Variants in MUC7 observed in about 807,000 individuals in gnomAD.
MUC7 encodes the protein mucin-7.
Under a neutral mutation model 2.5 loss-of-function variants are expected in MUC7, and 2 were observed. The observed-to-expected ratio is 0.81, with a 90% CI of 0.33 to 2.55. The LOEUF (loss-of-function observed/expected upper bound fraction) is 2.55. MUC7 is among the 30% of genes most tolerant of loss of function. MUC7 has a pLI of 0.11. For synonymous variants in MUC7, 133 were observed against 173.4 expected (o/e 0.77, Z 1.83); for missense variants, 408 against 455.6 (o/e 0.90, Z 0.95).
chr4:70,471,238 T>G (rs1734826393), upstream of MUC7, among the ~76,000 whole-genome samples: 1 of 152,114 alleles, frequency 6.6e-6, no homozygotes, highest in Non-Finnish European at 1.5e-5. Context: ...TAAAAATAAA[T>G]ATTTATAAAA....
At chr4:70,433,943 G>T (rs972088570) in intron 1 of MUC7, among the ~76,000 whole-genome samples, 4 of 152,178 alleles carry the variant, frequency 2.6e-5, no homozygotes, top group Non-Finnish European at 5.9e-5. Flanking sequence ...ACAGGCTGTT[G>T]AATTTTGTCG....
chr4:70,454,384 T>A (rs556318459), intron 1 of MUC7, among the ~76,000 whole-genome samples: 1 of 152,226 alleles, frequency 6.6e-6, no homozygotes, highest in Non-Finnish European at 1.5e-5. Flanking sequence ...TGTGGGCAAG[T>A]ATCAGCTGAC....
intron 1 of MUC7, among the ~76,000 whole-genome samples, chr4:70,452,248 C>T (rs1441633251): frequency 1.3e-5 from 2 of 152,274 alleles, no homozygotes; most frequent in East Asian, 1.9e-4. Context: ...AGTCCATTTA[C>T]ATTCAATGTT....
At chr4:70,457,694 G>T (rs1734447293) in intron 1 of MUC7, among the ~76,000 whole-genome samples, 1 of 152,008 alleles carries the variant, frequency 6.6e-6, no homozygotes, top group Non-Finnish European at 1.5e-5. Context: ...ATATGTTTCT[G>T]AAAATAGTTT....
intron 1 of MUC7, among the ~76,000 whole-genome samples, chr4:70,459,150 G>A (rs527777165): frequency 6.6e-6 from 1 of 152,228 alleles, no homozygotes; most frequent in South Asian, 2.1e-4. Context: ...AATCTGGGTA[G>A]CATTATATTT....
chr4:70,460,803 G>A (rs1734537913), intron 1 of MUC7, among the ~76,000 whole-genome samples: 1 of 152,162 alleles, frequency 6.6e-6, no homozygotes, highest in East Asian at 1.9e-4. Context: ...GTTGTCATAT[G>A]GGGGCTGTGG....
intron 2 of MUC7, among the ~76,000 whole-genome samples, chr4:70,477,648 C>T (rs41348049): frequency 0.09 from 13,735 of 152,154 alleles, 793 homozygotes; most frequent in East Asian, 0.21. Context: ...CTCTTCTCTG[C>T]TCTCAAAAGT....
rs555124705 is a variant in MUC7 at position 70,443,844 on chromosome 4, A to G, written c.-93+13157A>G. ...ATCACACCTAAACTGTCTTTCACAC[A>G]GGAATCCTGATAAACCAAAAGCTTT... On this transcript the variant is annotated intron_variant, in intron 1 of 3. Transcript: ENST00000413702. 2.6e-5 allele frequency among the ~76,000 whole-genome samples: 4 copies of G among 152,364 alleles called. No homozygotes were observed. In the South Asian group the frequency reaches 8.3e-4, roughly 32 times the overall value.
chr4:70,447,603 A>T (rs964229544), intron 1 of MUC7, among the ~76,000 whole-genome samples: 1 of 152,170 alleles, frequency 6.6e-6, no homozygotes, highest in Non-Finnish European at 1.5e-5. Flanking sequence ...CACTATTTTA[A>T]AATTCTTTAC....
rs138367184 is a variant in MUC7 at position 70,451,081 on chromosome 4, C to T, written c.-93+20394C>T. Among the ~76,000 whole-genome samples the T allele has an allele frequency of 3.3e-3, 496 of 152,296 alleles. 1 individual carries two copies. The highest frequency in any genetic ancestry group is 0.012 in the African/African-American group (480 of 41,556). On this transcript the variant is annotated intron_variant, in intron 1 of 3. Transcript: ENST00000413702. Reference sequence around the variant, plus strand: ...CTAGTTTACTTGGAGACACAGAGTGCTGTAGCCCTCAGTGGTGAGGTCTGT... The same window carrying T: ...CTAGTTTACTTGGAGACACAGAGTGTTGTAGCCCTCAGTGGTGAGGTCTGT...
intron 2 of MUC7, among the ~76,000 whole-genome samples, chr4:70,478,515 G>A (rs1735072522): frequency 6.6e-6 from 1 of 152,124 alleles, no homozygotes; most frequent in Admixed American, 6.5e-5. Flanking sequence ...CGACATCCAG[G>A]CACATTAAGT....
At chr4:70,463,894 T>C (rs536890775) in intron 1 of MUC7, among the ~76,000 whole-genome samples, 1 of 152,342 alleles carries the variant, frequency 6.6e-6, no homozygotes, top group African/African-American at 2.4e-5. Context: ...ATGACTGTTC[T>C]ATGCAAGTAA....
chr4:70,474,029 C>T lies in MUC7; in HGVS notation c.8C>T (p.Thr3Ile). The T allele has an allele frequency of 6.2e-7, 1 of 1,612,910 alleles. No individual in the cohort carries two copies. Among genetic ancestry groups the T allele is most frequent in the African/African-American group, 1.3e-5 (1 of 74,978 alleles). Residue 3 changes from threonine (T) to isoleucine (I), a missense_variant, in exon 2 of 3, where the codon ACT becomes ATT. Thr to Ile is a moderately conservative substitution (Grantham distance 89). This residue lies in a region of MUC7 where 225 missense variants were observed against 240.5 expected (regional missense o/e 0.94). Transcript: ENST00000304887. Reference sequence around the variant, plus strand: ...CAGGAGACATCAGAAAGAATGAAAACTCTGCCGCTGTTTGTGTGCATCTGT... The same window carrying T: ...CAGGAGACATCAGAAAGAATGAAAATTCTGCCGCTGTTTGTGTGCATCTGT... The part of the protein sequence containing the change: MK[T>I]LPLFVCICAL...
At chr4:70,437,934 G>T (rs546970134) in intron 1 of MUC7, among the ~76,000 whole-genome samples, 6 of 152,278 alleles carry the variant, frequency 3.9e-5, no homozygotes, top group Middle Eastern at 3.4e-3. Flanking sequence ...GAAGAAAATA[G>T]AGTTTGAGCA....
intron 1 of MUC7, among the ~76,000 whole-genome samples, chr4:70,455,787 C>T (rs1734396679): frequency 6.6e-6 from 1 of 152,208 alleles, no homozygotes; most frequent in Non-Finnish European, 1.5e-5. Context: ...CCCCTCCCAA[C>T]TCCGTATACT....
At chr4:70,480,525 A>T (rs1735133308) in intron 2 of MUC7, among the ~76,000 whole-genome samples, 1 of 152,212 alleles carries the variant, frequency 6.6e-6, no homozygotes, top group East Asian at 1.9e-4. Flanking sequence ...TAAGCACAAA[A>T]GTTCGTATCC....
chr4:70,438,387 ATATT>A (rs1242025522), intron 1 of MUC7, among the ~76,000 whole-genome samples: 1 of 152,192 alleles, frequency 6.6e-6, no homozygotes, highest in Non-Finnish European at 1.5e-5. Context: ...CTCCTGGAAA[ATATT>A]AGCCCTGAAA....
intron 1 of MUC7, among the ~76,000 whole-genome samples, chr4:70,441,146 G>A (rs909422968): frequency 6.6e-6 from 1 of 152,110 alleles, no homozygotes; most frequent in African/African-American, 2.4e-5. Flanking sequence ...ATTGAGTAGA[G>A]AAGCAGACAG....
upstream of MUC7, among the ~76,000 whole-genome samples, chr4:70,470,999 C>G (rs537633858): frequency 5.3e-5 from 8 of 152,258 alleles, no homozygotes; most frequent in East Asian, 1.5e-3. Flanking sequence ...AGTTAGCTAA[C>G]CTGTCAAAAA....
Sources: allele counts gnomAD v4.1 joint callset (sites outside exome capture counted in the v4.1 genomes callset), GRCh38; gene constraint gnomAD v4.1.1; regional missense constraint gnomAD v4.1.1; transcripts MANE v1.5; gene names NCBI Gene and HGNC (gene_info 2026-07-23, HGNC 2026-07-21).